The following VLDLR variants were observed in gnomAD, a reference collection of about 807,000 sequenced individuals.
The protein encoded by VLDLR is very low-density lipoprotein receptor.
In VLDLR, 81 loss-of-function variants were observed where a neutral mutation model predicts 112.7. The observed-to-expected ratio is 0.72, with a 90% CI of 0.60 to 0.86. VLDLR has a LOEUF of 0.86. Ranked by LOEUF, VLDLR falls within the 40% of genes least tolerant of loss-of-function variation. The pLI, the probability that VLDLR is intolerant of heterozygous loss-of-function variation, is 0.00. For synonymous variants in VLDLR, 436 were observed against 384.8 expected, an observed-to-expected ratio of 1.13 and a Z score of -1.56; for missense variants, 1,237 against 1,099.4, an observed-to-expected ratio of 1.13 and a Z score of -1.77.
Position 2,640,009 on chromosome 9 carries a change from C to G in VLDLR, c.325+28C>G, listed in dbSNP as rs745335039. ...GAGTGTAACTTGCTTTGGCCTTGAA[C>G]TTTGCCAAGTTGTTCGGTGTCTAAC... On this transcript the variant is annotated intron_variant, in intron 3 of 18. Coordinates refer to ENST00000382100, the MANE Select transcript of VLDLR (RefSeq NM_003383.5). The G allele has an allele frequency of 9.3e-6, 15 of 1,614,016 alleles. No individual in the cohort carries two copies. The Admixed American group carries it at 2.2e-4, about 23-fold the overall frequency.
intron 1 of VLDLR, among the ~76,000 whole-genome samples, chr9:2,622,818 G>A (rs1473402202): frequency 1.3e-5 from 2 of 152,134 alleles, no homozygotes; most frequent in Non-Finnish European, 2.9e-5. Flanking sequence ...GGTGGGCGGC[G>A]GCCGGGAGGC....
At position 2,631,516 on chromosome 9, in the gene VLDLR, TG is replaced by T. The variant is rs566822755; in HGVS notation, c.83-3933del. ...TGAAATCATGCCATTTGCAGCAGCA[TG>T]GGGATGGAATTGGAGGTCATTATGC... On this transcript the variant is annotated intron_variant, in intron 1 of 18. Coordinates refer to ENST00000382100, the MANE Select transcript of VLDLR (RefSeq NM_003383.5). Among the ~76,000 whole-genome samples the T allele has an allele frequency of 8.2e-3, 1,242 of 152,226 alleles. 6 individuals are homozygous for T. Among genetic ancestry groups the T allele is most frequent in the Non-Finnish European group, 0.013 (903 of 68,018 alleles).
At chr9:2,636,088 C>T (rs556045645) in intron 2 of VLDLR, among the ~76,000 whole-genome samples, 1 of 152,206 alleles carries the variant, frequency 6.6e-6, no homozygotes, top group Non-Finnish European at 1.5e-5. Context: ...ATTAGCAGGG[C>T]GGAAGACATT....
chr9:2,649,764 C>T (rs1818236879), intron 14 of VLDLR, among the ~76,000 whole-genome samples: 2 of 152,182 alleles, frequency 1.3e-5, no homozygotes, highest in African/African-American at 4.8e-5. Context: ...TCCTCAATAT[C>T]TCCAAATAAG....
At chr9:2,645,454 A>G (rs945447361) in intron 9 of VLDLR, 120 bp from the exon 10 acceptor site, 1 of 1,241,472 alleles carries the variant, frequency 8.1e-7, no homozygotes, top group Non-Finnish European at 1.2e-6. Context: ...CAGAACAGAT[A>G]CTACTGAGGT....
rs576375466 is a variant in VLDLR, at chr9:2,641,404, T to C, written c.353T>C (p.Ile118Thr). The C allele has an allele frequency of 6.2e-7, 1 of 1,614,192 alleles. No homozygotes were observed. The highest frequency in any genetic ancestry group is 1.7e-5 in the Admixed American group (1 of 60,032). ...ATGAGAACATGCCGCATACATGAAATCAGCTGTGGCGCCCATTCTACTCAG... is the reference window on the plus strand; with the variant it reads ...ATGAGAACATGCCGCATACATGAAACCAGCTGTGGCGCCCATTCTACTCAG... Reference protein sequence around the residue: ...CHMRTCRIHEISCGAHSTQCI... With the variant: ...CHMRTCRIHETSCGAHSTQCI... Residue 118 changes from isoleucine (I) to threonine (T), a missense_variant, in exon 4 of 19, where the codon ATC (isoleucine) becomes ACC (threonine). By Grantham distance (89) the Ile-to-Thr change is moderately conservative. Coordinates refer to ENST00000382100, the MANE Select transcript of VLDLR (RefSeq NM_003383.5).
chr9:2,653,383 C>T (rs371934748), intron 18 of VLDLR, among the ~76,000 whole-genome samples: 20 of 152,224 alleles, frequency 1.3e-4, no homozygotes, highest in East Asian at 7.7e-4. Context: ...GGTATCCCAC[C>T]GCCCTTAGTA....
At chr9:2,653,743 A>G (rs1818464887) in intron 18 of VLDLR, 90 bp from the exon 19 acceptor site, 1 of 1,394,432 alleles carries the variant, frequency 7.2e-7, no homozygotes, top group South Asian at 1.2e-5. Context: ...TGTTTGAATG[A>G]CCAACTCAAA....
intron 1 of VLDLR, among the ~76,000 whole-genome samples, chr9:2,624,027 G>A (rs1428531546): frequency 6.6e-6 from 1 of 152,154 alleles, no homozygotes; most frequent in Non-Finnish European, 1.5e-5. Context: ...GAAGGTGAGA[G>A]AAAAGTTTCG....
In VLDLR at chr9:2,643,421, C is replaced by G; in HGVS notation, c.710C>G (p.Thr237Ser). The G allele has an allele frequency of 6.2e-7, 1 of 1,614,198 alleles. No homozygotes were observed. Among genetic ancestry groups the G allele is most frequent in the Non-Finnish European group, 8.5e-7 (1 of 1,180,034 alleles). The change falls in exon 5 of 19, where the codon ACC becomes AGC. Residue 237 changes from threonine (T) to serine (S), a missense_variant. Transcript: ENST00000382100. ...EQCGRQPVIH[T>S]KCPASEIQCG... is the part of the protein sequence containing the mutation. ...TGTGGCCGTCAGCCAGTCATACACA[C>G]CAAGTGTCCAGCCAGCGAAATCCAG...
chr9:2,623,867 C>T (rs562299791), intron 1 of VLDLR, among the ~76,000 whole-genome samples: 1 of 152,280 alleles, frequency 6.6e-6, no homozygotes, highest in East Asian at 1.9e-4. Flanking sequence ...GCTCTGCTTA[C>T]AAGAGTTTCC....
At chr9:2,648,495 A>G in intron 13 of VLDLR, 148 bp downstream of exon 13, 1 of 1,504,004 alleles carries the variant, frequency 6.6e-7, no homozygotes, top group South Asian at 1.1e-5. Context: ...ATCAGACACT[A>G]AGTCCCAGAA....
At chr9:2,633,051 A>AGAGAGAGAGAGAGAGTGTGTGT (rs1460780869) in intron 1 of VLDLR, among the ~76,000 whole-genome samples, 5 of 115,402 alleles carry the variant, frequency 4.3e-5, no homozygotes, top group Non-Finnish European at 9.1e-5. Context: ...AGAGAGAGAG[A>AGAGAGAGAGAGAGAGTGTGTGT]GTGTGTGTGT....
chr9:2,646,293 G>T (rs41271163), intron 10 of VLDLR, 41 bp from the exon 11 acceptor site: 3 of 1,600,340 alleles, frequency 1.9e-6, no homozygotes, highest in Non-Finnish European at 1.7e-6. Context: ...AGCTCTAATT[G>T]TGTCAAACTC....
chr9:2,637,835 C>T (rs948487889), intron 2 of VLDLR, among the ~76,000 whole-genome samples: 3 of 152,004 alleles, frequency 2.0e-5, no homozygotes, highest in Admixed American at 1.3e-4. Flanking sequence ...CCCAGCTACT[C>T]GGGAGGCTGA....
chr9:2,645,141 G>A, intron 9 of VLDLR, 59 bp downstream of exon 9: 2 of 1,611,856 alleles, frequency 1.2e-6, no homozygotes, highest in African/African-American at 1.3e-5. Context: ...CCTCTAAAAG[G>A]TACAGCCAGT....
At chr9:2,639,698 A>G (rs1022544495) in intron 2 of VLDLR, among the ~76,000 whole-genome samples, 161 bp from the exon 3 acceptor site, 2 of 152,196 alleles carry the variant, frequency 1.3e-5, no homozygotes, top group African/African-American at 4.8e-5. Flanking sequence ...AAAAAAAATA[A>G]TAATTTTTCT....
At chr9:2,650,660 A>G in intron 15 of VLDLR, 144 bp downstream of exon 15, 8 of 1,247,502 alleles carry the variant, frequency 6.4e-6, no homozygotes, top group Non-Finnish European at 9.0e-6. Context: ...CCGGGTTATC[A>G]TGTCATTTCT....
In VLDLR at chr9:2,645,582, C is replaced by G. The variant is rs764362270; in HGVS notation, c.1321C>G (p.Pro441Ala). 2.5e-6 allele frequency: 4 copies of G among 1,614,102 alleles called. No individual in the cohort carries two copies. The African/African-American group carries it at 5.3e-5, about 22-fold the overall frequency. ...AGACTTCCATCTTGCAGGCAAAGAGCCAAGTCTGATCTTCACTAATCGAAG... is the reference window on the plus strand; with the variant it reads ...AGACTTCCATCTTGCAGGCAAAGAGGCAAGTCTGATCTTCACTAATCGAAG... ...TGVCKAVGKE[P>A]SLIFTNRRDI... Residue 441 changes from proline to alanine, a missense_variant, in exon 10 of 19, where the codon CCA (proline) becomes GCA (alanine). Coordinates refer to ENST00000382100, the MANE Select transcript of VLDLR (RefSeq NM_003383.5).
Sources: gnomAD v4.1 joint callset for allele counts (sites outside exome capture counted in the v4.1 genomes callset) on GRCh38, gnomAD v4.1.1 for gene constraint, MANE v1.5 for transcripts, NCBI Gene and HGNC (gene_info 2026-07-23, HGNC 2026-07-21) for gene names.